The following ALK variants were observed in gnomAD, a reference collection of about 807,000 sequenced individuals.
The protein encoded by ALK is ALK tyrosine kinase receptor.
ALK carries 74 observed loss-of-function variants against 163.1 expected under a neutral mutation model. That is an observed-to-expected ratio of 0.45 (90% CI 0.38 to 0.55). The LOEUF (loss-of-function observed/expected upper bound fraction) is 0.55. Ranked by LOEUF, ALK falls within the 20% of genes least tolerant of loss-of-function variation. ALK has a pLI of 0.00. For synonymous variants in ALK, 960 were observed against 843.2 expected (o/e 1.14, Z -2.40); for missense variants, 2,063 against 2,105.3 (o/e 0.98, Z 0.39).
At chr2:29,364,296 C>T (rs1401022579) in intron 5 of ALK, among the ~76,000 whole-genome samples, 2 of 152,092 alleles carry the variant, frequency 1.3e-5, no homozygotes, top group Non-Finnish European at 2.9e-5. Context: ...TTTCTCTGTC[C>T]CCTCCTGGAA....
intron 3 of ALK, among the ~76,000 whole-genome samples, chr2:29,579,737 T>C (rs988673652): frequency 2.0e-5 from 3 of 152,150 alleles, no homozygotes; most frequent in African/African-American, 4.8e-5. Flanking sequence ...ATGCCGGATA[T>C]GTAGAGGGAA....
chr2:29,731,279 C>T (rs574180149), intron 1 of ALK, among the ~76,000 whole-genome samples: 4 of 152,314 alleles, frequency 2.6e-5, no homozygotes, highest in South Asian at 2.1e-4. Flanking sequence ...ATCATACAAG[C>T]GTCTTATCAG....
chr2:29,298,329 A>AT (rs996397923), intron 8 of ALK, among the ~76,000 whole-genome samples: 2 of 151,476 alleles, frequency 1.3e-5, no homozygotes, highest in South Asian at 2.1e-4. Context: ...GAATCTGTTA[A>AT]TTTTTTTTTC....
intron 5 of ALK, among the ~76,000 whole-genome samples, chr2:29,366,995 G>A (rs990595937): frequency 5.3e-5 from 8 of 151,982 alleles, no homozygotes; most frequent in South Asian, 2.1e-4. Flanking sequence ...TCTTCCTCCC[G>A]TCATTACTCT....
At chr2:29,591,440 A>AG (rs1342391676) in intron 3 of ALK, among the ~76,000 whole-genome samples, 7 of 152,178 alleles carry the variant, frequency 4.6e-5, no homozygotes, top group Non-Finnish European at 1.0e-4. Context: ...AGCAAGACAG[A>AG]GGGCTGGACG....
At chr2:29,397,044 G>A (rs1669327795) in intron 4 of ALK, among the ~76,000 whole-genome samples, 1 of 151,976 alleles carries the variant, frequency 6.6e-6, no homozygotes, top group African/African-American at 2.4e-5. Flanking sequence ...GCTTCCTTCG[G>A]TCCTAGTAGG....
intron 1 of ALK, among the ~76,000 whole-genome samples, chr2:29,738,900 AG>A (rs112144725): frequency 1.5e-4 from 23 of 152,184 alleles, no homozygotes; most frequent in African/African-American, 5.5e-4. Context: ...AATAATTTCT[AG>A]GATATCTGAT....
At chr2:29,886,222 AACTG>A (rs1382777562) in intron 1 of ALK, among the ~76,000 whole-genome samples, 3 of 152,250 alleles carry the variant, frequency 2.0e-5, no homozygotes, top group Non-Finnish European at 4.4e-5. Context: ...AGTATGTGTT[AACTG>A]ACTGTTTATG....
At chr2:29,356,048 G>T (rs1668237832) in intron 5 of ALK, among the ~76,000 whole-genome samples, 1 of 152,116 alleles carries the variant, frequency 6.6e-6, no homozygotes, top group Admixed American at 6.6e-5. Flanking sequence ...CCCTCCTGAA[G>T]AGGCACTTGT....
chr2:29,443,079 A>G (rs1178812174), intron 4 of ALK, among the ~76,000 whole-genome samples: 2 of 152,208 alleles, frequency 1.3e-5, no homozygotes, highest in Non-Finnish European at 2.9e-5. Context: ...GACACTAGAC[A>G]TTTGAGGGCG....
intron 3 of ALK, among the ~76,000 whole-genome samples, chr2:29,545,046 A>T (rs192405906): frequency 6.6e-6 from 1 of 152,290 alleles, no homozygotes. Context: ...TTTCAGTCAG[A>T]TGCCCTGTGG....
intron 3 of ALK, among the ~76,000 whole-genome samples, chr2:29,683,315 T>C (rs901678292): frequency 1.3e-5 from 2 of 152,086 alleles, no homozygotes; most frequent in Non-Finnish European, 2.9e-5. Flanking sequence ...AGGCAGAGGT[T>C]ACAGTGAGCT....
At chr2:29,585,857 T>C (rs1475647853) in intron 3 of ALK, among the ~76,000 whole-genome samples, 1 of 152,122 alleles carries the variant, frequency 6.6e-6, no homozygotes, top group African/African-American at 2.4e-5. Flanking sequence ...TTCAAGTTTT[T>C]AATTATTATC....
At chr2:29,916,811 C>T (rs1355881935) in intron 1 of ALK, among the ~76,000 whole-genome samples, 2 of 152,168 alleles carry the variant, frequency 1.3e-5, no homozygotes, top group African/African-American at 4.8e-5. Context: ...AGGATACAAA[C>T]TGGAGCTGTG....
intron 28 of ALK, among the ~76,000 whole-genome samples, chr2:29,195,053 G>C (rs1043400925): frequency 6.6e-6 from 1 of 152,090 alleles, no homozygotes; most frequent in African/African-American, 2.4e-5. Flanking sequence ...AGAAAAACAC[G>C]AGTGTTCGAG....
intron 11 of ALK, among the ~76,000 whole-genome samples, chr2:29,269,934 G>A (rs1665336210): frequency 6.6e-6 from 1 of 152,224 alleles, no homozygotes; most frequent in South Asian, 2.1e-4. Flanking sequence ...TGCCTGCCTG[G>A]GGCACCGTCT....
In ALK at chr2:29,920,049, A is replaced by G. The variant is rs1426655261; in HGVS notation, c.611T>C (p.Leu204Pro). ...CTGGGAGGCGCGAATTGCCGCGGAC[A>G]GCCTTCCCTCTCTGCCCACTTCCGA... ...KASEVGREGR[L>P]SAAIRASQPR... Residue 204 changes from leucine to proline, a missense_variant, in exon 1 of 29, where the codon CTG (leucine) becomes CCG (proline). Around this residue, in one of 5 missense-constraint regions of ALK, gnomAD observed 987 missense variants for 939.5 expected, o/e 1.05. Transcript: ENST00000389048. 2.5e-6 allele frequency: 4 copies of G among 1,614,056 alleles called. No individual in the cohort carries two copies. The highest frequency in any genetic ancestry group is 2.7e-5 in the African/African-American group (2 of 74,960).
chr2:29,705,490 C>A (rs1678882402), intron 2 of ALK, among the ~76,000 whole-genome samples: 1 of 151,560 alleles, frequency 6.6e-6, no homozygotes, highest in African/African-American at 2.4e-5. Flanking sequence ...CAGGGAGAAG[C>A]AGGCTAGAAC....
At chr2:29,440,672 T>C (rs1405103220) in intron 4 of ALK, among the ~76,000 whole-genome samples, 3 of 152,176 alleles carry the variant, frequency 2.0e-5, no homozygotes, top group African/African-American at 7.2e-5. Context: ...ACCCTTCTCT[T>C]GTCAGGGTCC....
Sources: allele counts gnomAD v4.1 joint callset (sites outside exome capture counted in the v4.1 genomes callset), GRCh38; gene constraint gnomAD v4.1.1; regional missense constraint gnomAD v4.1.1; transcripts MANE v1.5; gene names NCBI Gene and HGNC (gene_info 2026-07-23, HGNC 2026-07-21).